The following PCBP2 variants were observed in gnomAD, a reference collection of about 807,000 sequenced individuals.
PCBP2 encodes poly(rC)-binding protein 2.
A neutral mutation model predicts 50.1 loss-of-function variants in PCBP2; 4 were observed. The ratio of observed to expected loss-of-function variants is 0.08; its 90% CI spans 0.04 to 0.18. The LOEUF (loss-of-function observed/expected upper bound fraction) is 0.18, where lower values mean the gene tolerates loss of function less well. Ranked by LOEUF, PCBP2 falls within the 10% of genes least tolerant of loss-of-function variation. The pLI, the probability that PCBP2 is intolerant of heterozygous loss-of-function variation, is 1.00. For synonymous variants in PCBP2, 179 were observed against 168.0 expected, an observed-to-expected ratio of 1.07 and a Z score of -0.51; for missense variants, 161 against 474.3, an observed-to-expected ratio of 0.34 and a Z score of 6.14.
At chr12:53,455,811 T>G in intron 4 of PCBP2, 74 bp from the exon 5 acceptor site, 1 of 994,322 alleles carries the variant, frequency 1.0e-6, no homozygotes, top group Non-Finnish European at 1.6e-6. Context: ...GGCAGTCTTA[T>G]AAGGGACTGT....
At position 53,455,505 on chromosome 12, in the gene PCBP2, A is replaced by G; in HGVS notation, c.126+12A>G. On this transcript the variant is annotated intron_variant, in intron 4 of 14. Coordinates refer to ENST00000546463, the MANE Select transcript of PCBP2 (RefSeq NM_031989.5). The stretch of plus-strand genomic sequence containing the variant: ...AGATGCGCGAGGAGGTAAGTTATGA[A>G]AGACTGAGATTGTTAACTTTGGGAA... 1.9e-6 allele frequency: 3 copies of G among 1,613,598 alleles called. No homozygotes were observed. The highest frequency in any genetic ancestry group is 2.5e-6 in the Non-Finnish European group (3 of 1,179,514).
chr12:53,474,380 C>T (rs1942438985), intron 14 of PCBP2, among the ~76,000 whole-genome samples: 1 of 152,218 alleles, frequency 6.6e-6, no homozygotes, highest in African/African-American at 2.4e-5. Flanking sequence ...GAGATGTAAG[C>T]AGACTTTAAT....
At chr12:53,452,970 C>T (rs1289166618) in intron 1 of PCBP2, 4 of 152,046 alleles carry the variant, frequency 2.6e-5, no homozygotes, top group Admixed American at 2.0e-4. Context: ...CAGGACGTTT[C>T]TCGGGGTAAC....
chr12:53,467,738 A>G (rs988202132), intron 11 of PCBP2, 67 bp from the exon 12 acceptor site: 14 of 1,243,652 alleles, frequency 1.1e-5, no homozygotes, highest in South Asian at 7.6e-5. Context: ...TTTTCTGTAT[A>G]AGGAATAACT....
At chr12:53,468,166 G>A in intron 12 of PCBP2, 1 of 256,394 alleles carries the variant, frequency 3.9e-6, no homozygotes, top group Non-Finnish European at 7.4e-6. Flanking sequence ...CTTTTTCTTT[G>A]GAAAACAAAA....
At chr12:53,456,289 C>G (rs1369089561) in intron 5 of PCBP2, among the ~76,000 whole-genome samples, 1 of 151,924 alleles carries the variant, frequency 6.6e-6, no homozygotes, top group Non-Finnish European at 1.5e-5. Flanking sequence ...GAAACCTCGT[C>G]TCTACTAAAA....
rs757650806 is a variant in PCBP2, at chr12:53,462,495, C to G, written c.507C>G (p.Ser169=). The G allele has an allele frequency of 3.1e-6, 5 of 1,608,878 alleles. No homozygotes were observed. The highest frequency in any genetic ancestry group is 4.3e-6 in the Non-Finnish European group (5 of 1,176,410). The part of the protein sequence containing the change: ...VKQICVVMLE[S]PPKGVTIPYR... The stretch of plus-strand genomic sequence containing the variant: ...TTTCCCCTCTGACTCTCTCCCAGTC[C>G]CCCCCGAAGGGCGTGACCATCCCGT... The change falls in exon 8 of 15, where the codon TCC becomes TCG. Residue 169 remains serine (S), a splice_region_variant and synonymous_variant. Transcript: ENST00000546463.
Position 53,461,007 on chromosome 12 carries a change from C to T in PCBP2, c.376-8C>T, listed in dbSNP as rs752977526. 2.5e-6 allele frequency: 4 copies of T among 1,612,420 alleles called. No homozygotes were observed. The highest frequency in any genetic ancestry group is 3.4e-6 in the Non-Finnish European group (4 of 1,179,594). On this transcript the variant is annotated splice_region_variant and splice_polypyrimidine_tract_variant and intron_variant, in intron 6 of 14. Transcript: ENST00000546463. ...TTCTCTGATTTTGAATTTCTTTTTACTCCAAAGAGTACAGGGGCTCAGGTC... is the reference window on the plus strand; with the variant it reads ...TTCTCTGATTTTGAATTTCTTTTTATTCCAAAGAGTACAGGGGCTCAGGTC...
chr12:53,462,488 C>G lies in PCBP2; in HGVS notation c.505-5C>G, dbSNP rs1941515711. ...TTGTTTTTTTCCCCTCTGACTCTCT[C>G]CCAGTCCCCCCCGAAGGGCGTGACC... On this transcript the variant is annotated splice_region_variant and splice_polypyrimidine_tract_variant and intron_variant, in intron 7 of 14. Transcript: ENST00000546463. 6.2e-7 allele frequency: 1 copy of G among 1,609,166 alleles called. No individual in the cohort carries two copies. Among genetic ancestry groups the G allele is most frequent in the South Asian group, 1.1e-5 (1 of 90,658 alleles).
chr12:53,454,558 C>T, intron 1 of PCBP2, 168 bp from the exon 2 acceptor site: 1 of 512,678 alleles, frequency 2.0e-6, no homozygotes, highest in Non-Finnish European at 3.6e-6. Flanking sequence ...GTAACAGAAC[C>T]TGAGCTGTAT....
At chr12:53,465,300 G>A (rs189720015) in intron 9 of PCBP2, among the ~76,000 whole-genome samples, 30 of 152,140 alleles carry the variant, frequency 2.0e-4, no homozygotes, top group Non-Finnish European at 3.4e-4. Context: ...TATGTTGTGG[G>A]GGGGAGGAGG....
At position 53,468,847 on chromosome 12, in the gene PCBP2, G is replaced by T. The variant is rs756370680; in HGVS notation, c.882+15G>T. ...TTCCAAACGATGTAAGTGTAGTTAG[G>T]TTGCATGGGATGAAAATAAGAAAAT... On this transcript the variant is annotated intron_variant, in intron 13 of 14. Transcript: ENST00000546463. The T allele has an allele frequency of 1.9e-6, 3 of 1,595,488 alleles. No homozygotes were observed. The highest frequency in any genetic ancestry group is 2.2e-5 in the East Asian group (1 of 44,732).
chr12:53,478,578 C>G (rs575069895), intron 14 of PCBP2, among the ~76,000 whole-genome samples: 146 of 152,108 alleles, frequency 9.6e-4, no homozygotes, highest in African/African-American at 3.1e-3. Flanking sequence ...CAGAGGCAGG[C>G]AGATCACCTG....
At chr12:53,467,144 C>A in intron 10 of PCBP2, 77 bp from the exon 11 acceptor site, 1 of 1,109,878 alleles carries the variant, frequency 9.0e-7, no homozygotes. Flanking sequence ...TCAGGACCTG[C>A]ATTTTCAAAT....
intron 14 of PCBP2, among the ~76,000 whole-genome samples, chr12:53,473,274 G>A (rs1395282693): frequency 6.6e-6 from 1 of 151,560 alleles, no homozygotes; most frequent in Non-Finnish European, 1.5e-5. Flanking sequence ...TAGTATAGAC[G>A]GGGTTTCACC....
At chr12:53,475,054 G>T (rs1448991156) in intron 14 of PCBP2, 4 of 456,296 alleles carry the variant, frequency 8.8e-6, no homozygotes, top group South Asian at 6.2e-5. Context: ...ACCGCCCCTT[G>T]TGTCTCCAGT....
At position 53,455,976 on chromosome 12, in the gene PCBP2, C is replaced by T; in HGVS notation, c.218C>T (p.Ala73Val). ...ACTAATGCCATCTTCAAAGCCTTTG[C>T]TATGATCATTGACAAACTGGAAGAG... ...GPTNAIFKAF[A>V]MIIDKLEEDI... The change falls in exon 5 of 15, where the codon GCT becomes GTT. Residue 73 changes from alanine to valine, a missense_variant. Coordinates refer to ENST00000546463, the MANE Select transcript of PCBP2 (RefSeq NM_031989.5). 6.2e-7 allele frequency: 1 copy of T among 1,610,578 alleles called. No individual in the cohort carries two copies. Among genetic ancestry groups the T allele is most frequent in the Non-Finnish European group, 8.5e-7 (1 of 1,176,838 alleles).
intron 1 of PCBP2, chr12:53,452,921 TAAAG>T (rs754109412): frequency 7.9e-5 from 12 of 151,798 alleles, no homozygotes; most frequent in East Asian, 3.9e-4. Context: ...GCTGCGGAGT[TAAAG>T]AAAGGGTAGA....
At chr12:53,478,767 CTG>C (rs1419427647) in intron 14 of PCBP2, among the ~76,000 whole-genome samples, 1 of 152,158 alleles carries the variant, frequency 6.6e-6, no homozygotes, top group East Asian at 1.9e-4. Flanking sequence ...GATCACATCA[CTG>C]TACTCTAGCC....
Sources: allele counts gnomAD v4.1 joint callset (sites outside exome capture counted in the v4.1 genomes callset), GRCh38; gene constraint gnomAD v4.1.1; transcripts MANE v1.5; gene names NCBI Gene and HGNC (gene_info 2026-07-23, HGNC 2026-07-21).